The following GALNT10 variants were observed in gnomAD, a reference collection of about 807,000 sequenced individuals.
GALNT10 encodes the protein GalNAc transferase 10.
Under a neutral mutation model 75.0 loss-of-function variants are expected in GALNT10, and 41 were observed. The ratio of observed to expected loss-of-function variants is 0.55; its 90% CI spans 0.43 to 0.71. GALNT10 has a LOEUF of 0.71. GALNT10 is among the 30% of genes least tolerant of loss of function. The probability of loss-of-function intolerance (pLI) is 0.00; values close to 1 mark genes in which losing one functional copy is unlikely to be tolerated. For synonymous variants in GALNT10, 302 were observed against 313.0 expected, an observed-to-expected ratio of 0.96 and a Z score of 0.37; for missense variants, 727 against 818.5, an observed-to-expected ratio of 0.89 and a Z score of 1.36.
At chr5:154,200,117 G>A (rs573455500) in intron 1 of GALNT10, among the ~76,000 whole-genome samples, 12 of 152,226 alleles carry the variant, frequency 7.9e-5, no homozygotes, top group South Asian at 2.1e-4. Context: ...AGGGACTTGC[G>A]GAGGCCTCAG....
intron 3 of GALNT10, among the ~76,000 whole-genome samples, chr5:154,326,386 C>T (rs1258597422): frequency 6.6e-6 from 1 of 152,188 alleles, no homozygotes; most frequent in Non-Finnish European, 1.5e-5. Flanking sequence ...ACCCAGCAAT[C>T]CAGCTGTTTG....
At chr5:154,339,195 T>C (rs766884887) in intron 4 of GALNT10, among the ~76,000 whole-genome samples, 23 of 152,168 alleles carry the variant, frequency 1.5e-4, no homozygotes, top group African/African-American at 5.1e-4. Context: ...GGGAATCACA[T>C]TGACAGAAGA....
At chr5:154,405,317 TG>T (rs1419666710) in intron 8 of GALNT10, among the ~76,000 whole-genome samples, 2 of 152,042 alleles carry the variant, frequency 1.3e-5, no homozygotes, top group Non-Finnish European at 2.9e-5. Flanking sequence ...GAGCCATCAG[TG>T]GGTGGGAGCT....
intron 3 of GALNT10, among the ~76,000 whole-genome samples, chr5:154,317,477 A>G (rs1277400428): frequency 6.6e-6 from 1 of 152,198 alleles, no homozygotes; most frequent in African/African-American, 2.4e-5. Flanking sequence ...TTTGGTCACA[A>G]GCAAGCTGAG....
At chr5:154,232,489 A>G (rs1434886429) in intron 1 of GALNT10, among the ~76,000 whole-genome samples, 2 of 152,160 alleles carry the variant, frequency 1.3e-5, no homozygotes, top group African/African-American at 4.8e-5. Context: ...GTGGTGGGGG[A>G]ACAGACAATA....
At chr5:154,286,148 G>A (rs986791770) in intron 1 of GALNT10, among the ~76,000 whole-genome samples, 3 of 152,078 alleles carry the variant, frequency 2.0e-5, no homozygotes, top group East Asian at 1.9e-4. Flanking sequence ...CTGTAGTTTC[G>A]GATGAAAGTC....
chr5:154,381,660 T>G (rs1006846180), intron 6 of GALNT10, among the ~76,000 whole-genome samples: 1 of 152,252 alleles, frequency 6.6e-6, no homozygotes, highest in African/African-American at 2.4e-5. Context: ...GCATTCCCTC[T>G]GGATGCCTTG....
chr5:154,412,340 C>T lies in GALNT10; in HGVS notation c.1387-549C>T, dbSNP rs1756414557. Among the ~76,000 whole-genome samples, 1 of 152,202 alleles carries T rather than the reference C, an allele frequency of 6.6e-6. No homozygotes were observed. Among genetic ancestry groups the T allele is most frequent in the Non-Finnish European group, 1.5e-5 (1 of 68,040 alleles). On this transcript the variant is annotated intron_variant, in intron 9 of 11. Transcript: ENST00000297107. The surrounding 1 kb of genome is among the most constrained non-coding windows in gnomAD (Gnocchi z 4.2). ...CTAGCCCAGTGCTCTTCCCACCACA[C>T]CCGTCTTCATGGTTGAAGGGGAAGA...
intron 1 of GALNT10, among the ~76,000 whole-genome samples, chr5:154,262,117 G>A (rs543767485): frequency 1.3e-5 from 2 of 152,322 alleles, no homozygotes; most frequent in African/African-American, 4.8e-5. Flanking sequence ...ATACATTTGA[G>A]TTATTTTCGG....
At chr5:154,392,596 G>A (rs186589192) in intron 7 of GALNT10, 3 of 152,358 alleles carry the variant, frequency 2.0e-5, no homozygotes, top group Admixed American at 2.0e-4. Context: ...GAGATGCTGT[G>A]TGGACAGCCC....
intron 1 of GALNT10, among the ~76,000 whole-genome samples, chr5:154,217,097 G>A (rs1047883274): frequency 5.3e-5 from 8 of 152,100 alleles, no homozygotes; most frequent in African/African-American, 1.9e-4. Flanking sequence ...AGCAGTTATC[G>A]AAAGCCTTGG....
At chr5:154,225,936 G>C (rs924865481) in intron 1 of GALNT10, among the ~76,000 whole-genome samples, 1 of 151,720 alleles carries the variant, frequency 6.6e-6, no homozygotes, top group Non-Finnish European at 1.5e-5. Context: ...TGAACAATGA[G>C]AACACTTGGA....
At chr5:154,214,473 G>GA (rs1199147016) in intron 1 of GALNT10, among the ~76,000 whole-genome samples, 5 of 151,714 alleles carry the variant, frequency 3.3e-5, no homozygotes, top group Non-Finnish European at 7.4e-5. Context: ...GGAAAAAGGA[G>GA]AAAAAAAACC....
In GALNT10 at chr5:154,340,237, GA is replaced by G. The variant is rs568341111; in HGVS notation, c.568+10506del. Among the ~76,000 whole-genome samples, 3 of 152,140 alleles carry G rather than the reference GA, an allele frequency of 2.0e-5. No individual in the cohort carries two copies. The East Asian group carries it at 5.8e-4, about 29-fold the overall frequency. On this transcript the variant is annotated intron_variant, in intron 4 of 11. Transcript: ENST00000297107. Reference sequence around the variant, plus strand: ...TGCTCATTTGCCTGTATCACAGAGGGAAAAAAAGCAGTGATAGCAATAATAA... The same window carrying G: ...TGCTCATTTGCCTGTATCACAGAGGGAAAAAAGCAGTGATAGCAATAATAA...
chr5:154,235,645 G>A (rs1753234057), intron 1 of GALNT10, among the ~76,000 whole-genome samples: 1 of 152,150 alleles, frequency 6.6e-6, no homozygotes, highest in Admixed American at 6.5e-5. Context: ...TCTTAATGTT[G>A]TGACCCTGAG....
At chr5:154,311,247 C>G (rs554945323) in intron 3 of GALNT10, among the ~76,000 whole-genome samples, 11 of 152,306 alleles carry the variant, frequency 7.2e-5, no homozygotes, top group Admixed American at 6.5e-4. Context: ...ATTTATTTAT[C>G]GATGTACCGG....
At chr5:154,325,907 A>G (rs945752086) in intron 3 of GALNT10, among the ~76,000 whole-genome samples, 2 of 152,314 alleles carry the variant, frequency 1.3e-5, no homozygotes, top group East Asian at 1.9e-4. Flanking sequence ...AGTCATCTAT[A>G]TTGGAAAGGA....
intron 1 of GALNT10, among the ~76,000 whole-genome samples, chr5:154,242,423 A>G (rs1025115518): frequency 6.6e-6 from 1 of 152,162 alleles, no homozygotes; most frequent in African/African-American, 2.4e-5. Flanking sequence ...GGCCCTTTGC[A>G]GCACTGTTGT....
rs1332485880 is a variant in GALNT10, at chr5:154,198,740, T to C, written c.159+7715T>C. The stretch of plus-strand genomic sequence containing the variant: ...CATAGCCTGCTGCCTCCAGGAAGTG[T>C]TCTTTGGTTACTCCAGCCCCCAGGG... On this transcript the variant is annotated intron_variant, in intron 1 of 11. Coordinates refer to ENST00000297107, the MANE Select transcript of GALNT10 (RefSeq NM_198321.4). Among the ~76,000 whole-genome samples, 3 of 151,234 alleles carry C rather than the reference T, an allele frequency of 2.0e-5. No homozygotes were observed. The East Asian group carries it at 5.8e-4, about 29-fold the overall frequency.
Sources: allele counts gnomAD v4.1 joint callset (sites outside exome capture counted in the v4.1 genomes callset), GRCh38; gene constraint gnomAD v4.1.1; non-coding constraint Gnocchi (gnomAD v3.1); transcripts MANE v1.5; gene names NCBI Gene and HGNC (gene_info 2026-07-23, HGNC 2026-07-21).